The following ARHGEF3 variants were observed in gnomAD, a reference collection of about 807,000 sequenced individuals.
The protein encoded by ARHGEF3 is Rho guanine nucleotide exchange factor 3, also known as 59.8 kDA protein.
ARHGEF3 carries 28 observed loss-of-function variants against 63.2 expected under a neutral mutation model. That is an observed-to-expected ratio of 0.44 (90% CI 0.33 to 0.61). The LOEUF is 0.61. ARHGEF3 is among the 20% of genes least tolerant of loss of function. The pLI, the probability that ARHGEF3 is intolerant of heterozygous loss-of-function variation, is 0.03. For missense variants in ARHGEF3, 533 were observed against 659.3 expected (o/e 0.81, Z 2.10); for synonymous variants, 266 against 254.2 (o/e 1.05, Z -0.44).
intron 1 of ARHGEF3, among the ~76,000 whole-genome samples, chr3:56,786,951 G>C (rs1334067023): frequency 6.6e-6 from 1 of 152,056 alleles, no homozygotes; most frequent in Admixed American, 6.5e-5. Flanking sequence ...AGTGGTAAGG[G>C]ATGTCAATAA....
At chr3:56,970,618 G>A (rs569086721) in intron 2 of ARHGEF3, among the ~76,000 whole-genome samples, 16 of 152,338 alleles carry the variant, frequency 1.1e-4, no homozygotes, top group Non-Finnish European at 1.8e-4. Flanking sequence ...CAGAGATTCA[G>A]CAGCAACAGC....
chr3:56,987,876 T>C (rs140800059), intron 2 of ARHGEF3, among the ~76,000 whole-genome samples: 1 of 152,302 alleles, frequency 6.6e-6, no homozygotes, highest in African/African-American at 2.4e-5. Context: ...CATTCAAAAC[T>C]AAAATAATTA....
intron 2 of ARHGEF3, among the ~76,000 whole-genome samples, chr3:57,002,935 G>A (rs527603272): frequency 4.0e-5 from 6 of 151,008 alleles, no homozygotes; most frequent in East Asian, 4.0e-4. Context: ...CACCACGCCC[G>A]GCTAATTTTT....
intron 2 of ARHGEF3, among the ~76,000 whole-genome samples, chr3:56,771,138 C>CA (rs1240094899): frequency 7.9e-5 from 12 of 151,726 alleles, no homozygotes; most frequent in African/African-American, 2.7e-4. Context: ...ATTATTTTGC[C>CA]AAAAAAATCT....
At chr3:56,930,212 C>T (rs1411910634) in intron 3 of ARHGEF3, among the ~76,000 whole-genome samples, 1 of 152,054 alleles carries the variant, frequency 6.6e-6, no homozygotes, top group Non-Finnish European at 1.5e-5. Flanking sequence ...GCAAACAGTA[C>T]ACAATGAGAT....
Position 56,897,957 on chromosome 3 carries a change from T to C in ARHGEF3, c.130-15603A>G, listed in dbSNP as rs114364941. ...GTGCAGTGGTGGCATCATAGCTCAC[T>C]GAAGCCTTGACCTCTGGGTCCAACT... On this transcript the variant is annotated intron_variant, in intron 3 of 12. Coordinates refer to the ARHGEF3 transcript ENST00000338458. Among the ~76,000 whole-genome samples, 320 of 152,218 alleles carry C rather than the reference T, an allele frequency of 2.1e-3. 1 individual carries two copies. Among genetic ancestry groups the C allele is most frequent in the African/African-American group, 7.4e-3 (309 of 41,528 alleles).
chr3:56,988,618 C>T (rs1217339220), intron 2 of ARHGEF3, among the ~76,000 whole-genome samples: 1 of 152,158 alleles, frequency 6.6e-6, no homozygotes, highest in East Asian at 1.9e-4. Context: ...AGCACAGTGC[C>T]CTGCATGTCC....
intron 4 of ARHGEF3, among the ~76,000 whole-genome samples, chr3:56,819,655 G>A (rs537653128): frequency 2.0e-5 from 3 of 151,116 alleles, no homozygotes; most frequent in African/African-American, 2.4e-5. Context: ...GGGACTACAG[G>A]TGCACCACCA....
intron 3 of ARHGEF3, among the ~76,000 whole-genome samples, chr3:56,925,034 G>A (rs1467883755): frequency 6.6e-6 from 1 of 152,228 alleles, no homozygotes; most frequent in Non-Finnish European, 1.5e-5. Context: ...GGAGATGAGA[G>A]TGCCATACAC....
chr3:56,800,059 A>G (rs978702071), intron 1 of ARHGEF3, among the ~76,000 whole-genome samples: 13 of 152,246 alleles, frequency 8.5e-5, no homozygotes, highest in African/African-American at 3.1e-4. Context: ...TTTGTGATAT[A>G]TAGACATATC....
At chr3:56,742,492 C>T (rs769155393) in intron 7 of ARHGEF3, among the ~76,000 whole-genome samples, 3 of 152,132 alleles carry the variant, frequency 2.0e-5, no homozygotes, top group African/African-American at 4.8e-5. Context: ...ATTTACTTAG[C>T]GCTCTCTGAT....
chr3:56,793,428 C>T (rs1452178604), intron 1 of ARHGEF3, among the ~76,000 whole-genome samples: 1 of 152,186 alleles, frequency 6.6e-6, no homozygotes, highest in Non-Finnish European at 1.5e-5. Context: ...CTCGGCTGCC[C>T]AAAGTGCTGG....
At chr3:56,901,828 A>G (rs1178340113) in intron 3 of ARHGEF3, among the ~76,000 whole-genome samples, 1 of 152,136 alleles carries the variant, frequency 6.6e-6, no homozygotes, top group East Asian at 1.9e-4. Flanking sequence ...TTGTCAATAC[A>G]TAACCTTGTT....
intron 4 of ARHGEF3, among the ~76,000 whole-genome samples, chr3:56,881,632 A>C (rs533939436): frequency 1.1e-4 from 16 of 152,340 alleles, no homozygotes; most frequent in South Asian, 2.1e-4. Flanking sequence ...ATCTTCTACA[A>C]ACTTCTGATT....
At chr3:56,816,432 G>C (rs2038273521) in intron 4 of ARHGEF3, among the ~76,000 whole-genome samples, 1 of 152,130 alleles carries the variant, frequency 6.6e-6, no homozygotes, top group Non-Finnish European at 1.5e-5. Context: ...AATAGCACTA[G>C]AATTACTTAA....
intron 2 of ARHGEF3, among the ~76,000 whole-genome samples, chr3:57,032,142 A>T (rs1184902854): frequency 2.0e-5 from 3 of 152,182 alleles, no homozygotes; most frequent in African/African-American, 7.2e-5. Context: ...TGCACTCCCC[A>T]TAAGGAAGTA....
chr3:56,949,476 T>C (rs1319973067), intron 3 of ARHGEF3, among the ~76,000 whole-genome samples: 6 of 151,942 alleles, frequency 3.9e-5, no homozygotes, highest in Non-Finnish European at 8.8e-5. Flanking sequence ...AGCATTCTTA[T>C]ACACCAATAA....
At chr3:56,908,523 G>A (rs2041765830) in intron 3 of ARHGEF3, among the ~76,000 whole-genome samples, 1 of 152,210 alleles carries the variant, frequency 6.6e-6, no homozygotes, top group African/African-American at 2.4e-5. Context: ...CTGCAGTTGA[G>A]ATGTGGAATA....
chr3:56,835,030 A>G (rs1216276535), intron 4 of ARHGEF3, among the ~76,000 whole-genome samples: 1 of 152,244 alleles, frequency 6.6e-6, no homozygotes, highest in Admixed American at 6.5e-5. Context: ...AGTTTGAAAC[A>G]TGTCAAAATA....
Sources: gnomAD v4.1 joint callset for allele counts (sites outside exome capture counted in the v4.1 genomes callset) on GRCh38, gnomAD v4.1.1 for gene constraint, MANE v1.5 for transcripts, NCBI Gene and HGNC (gene_info 2026-07-23, HGNC 2026-07-21) for gene names.